PITPNC1: variants seen among roughly 807,000 people sequenced by gnomAD.
PITPNC1 encodes cytoplasmic phosphatidylinositol transfer protein 1.
Under a neutral mutation model 44.7 loss-of-function variants are expected in PITPNC1, and 18 were observed. That is an observed-to-expected ratio of 0.40 (90% CI 0.28 to 0.60). The LOEUF is 0.60. PITPNC1 is among the 20% of genes least tolerant of loss of function. The pLI, the probability that PITPNC1 is intolerant of heterozygous loss-of-function variation, is 0.39. For missense variants in PITPNC1, 290 were observed against 418.4 expected (o/e 0.69, Z 2.68); for synonymous variants, 141 against 149.6 (o/e 0.94, Z 0.42).
intron 1 of PITPNC1, among the ~76,000 whole-genome samples, chr17:67,472,476 T>C (rs951765649): frequency 1.0e-4 from 15 of 147,804 alleles, no homozygotes; most frequent in Non-Finnish European, 2.2e-4. Flanking sequence ...TGAAACCCCA[T>C]CTCTACTAAA....
At chr17:67,580,988 G>A (rs1344472760) in intron 5 of PITPNC1, among the ~76,000 whole-genome samples, 2 of 152,186 alleles carry the variant, frequency 1.3e-5, no homozygotes, top group Non-Finnish European at 2.9e-5. Context: ...GGTCAAGCCT[G>A]CAGTGAACCA....
At chr17:67,622,368 T>G (rs917913533) in intron 5 of PITPNC1, among the ~76,000 whole-genome samples, 6 of 147,528 alleles carry the variant, frequency 4.1e-5, no homozygotes, top group Admixed American at 3.3e-4. Flanking sequence ...ACTCTTGGGT[T>G]GGATTGTATA....
At chr17:67,476,418 C>G (rs577273784) in intron 1 of PITPNC1, among the ~76,000 whole-genome samples, 46 of 152,114 alleles carry the variant, frequency 3.0e-4, no homozygotes, top group African/African-American at 9.6e-4. Context: ...AACTCCTGAC[C>G]TCAGGTAATT....
At chr17:67,623,721 A>G (rs751176970) in intron 5 of PITPNC1, among the ~76,000 whole-genome samples, 1 of 152,220 alleles carries the variant, frequency 6.6e-6, no homozygotes, top group Non-Finnish European at 1.5e-5. Flanking sequence ...GTTTACAGAA[A>G]AATTGTGCAG....
chr17:67,520,129 G>T (rs147095347), intron 1 of PITPNC1, among the ~76,000 whole-genome samples: 1 of 152,110 alleles, frequency 6.6e-6, no homozygotes, highest in African/African-American at 2.4e-5. Flanking sequence ...GCTACCAGCC[G>T]TTTTCATTAA....
At chr17:67,498,305 T>C (rs2039982757) in intron 1 of PITPNC1, among the ~76,000 whole-genome samples, 1 of 152,198 alleles carries the variant, frequency 6.6e-6, no homozygotes, top group African/African-American at 2.4e-5. Flanking sequence ...TATTAATCTT[T>C]AATATTGGCC....
At chr17:67,483,542 T>C (rs2144031132) in intron 1 of PITPNC1, among the ~76,000 whole-genome samples, 1 of 152,344 alleles carries the variant, frequency 6.6e-6, no homozygotes, top group Admixed American at 6.5e-5. Flanking sequence ...TGATCAACAT[T>C]AAGATGCGTT....
Position 67,590,489 on chromosome 17 carries a change from G to A in PITPNC1, c.366+12232G>A, listed in dbSNP as rs146545430. Among the ~76,000 whole-genome samples the A allele has an allele frequency of 4.2e-3, 638 of 152,206 alleles. 3 individuals carry two copies. The highest frequency in any genetic ancestry group is 7.3e-3 in the Non-Finnish European group (495 of 68,002). On this transcript the variant is annotated intron_variant, in intron 5 of 8. Coordinates refer to ENST00000581322, the MANE Select transcript of PITPNC1 (RefSeq NM_012417.4). ...GTTTGAGCAAATACACAACCCTAGG[G>A]CCTACCTGTAGAAGAAAATCACCAT...
chr17:67,629,597 G>A (rs1438952785), intron 5 of PITPNC1, among the ~76,000 whole-genome samples: 2 of 151,506 alleles, frequency 1.3e-5, no homozygotes, highest in Non-Finnish European at 2.9e-5. Context: ...TTCTTAATGA[G>A]GCATGTGTCT....
intron 1 of PITPNC1, among the ~76,000 whole-genome samples, chr17:67,404,100 A>G (rs548735504): frequency 6.6e-6 from 1 of 152,354 alleles, no homozygotes; most frequent in South Asian, 2.1e-4. Flanking sequence ...ATAACCAAAG[A>G]GAAGTTGATG....
intron 4 of PITPNC1, among the ~76,000 whole-genome samples, chr17:67,555,717 G>A (rs1277805846): frequency 2.7e-5 from 4 of 150,374 alleles, no homozygotes; most frequent in Admixed American, 6.6e-5. Context: ...GGTGGCGGGC[G>A]CCTATAATCC....
intron 1 of PITPNC1, among the ~76,000 whole-genome samples, chr17:67,399,709 C>A (rs2038278584): frequency 6.6e-6 from 1 of 152,168 alleles, no homozygotes; most frequent in Non-Finnish European, 1.5e-5. Context: ...CAAAAACTTA[C>A]CCCTGAAAAC....
At chr17:67,421,857 G>A (rs1338159720) in intron 1 of PITPNC1, among the ~76,000 whole-genome samples, 1 of 152,170 alleles carries the variant, frequency 6.6e-6, no homozygotes, top group Non-Finnish European at 1.5e-5. Flanking sequence ...CGGCGAATAA[G>A]CCACCAAATC....
At chr17:67,437,855 G>A (rs796753298) in intron 1 of PITPNC1, among the ~76,000 whole-genome samples, 13 of 152,270 alleles carry the variant, frequency 8.5e-5, no homozygotes, top group African/African-American at 3.1e-4. Flanking sequence ...ATCACTTGAG[G>A]TCAGGAGTTG....
intron 5 of PITPNC1, among the ~76,000 whole-genome samples, chr17:67,625,457 C>G (rs2041884415): frequency 1.3e-5 from 2 of 152,176 alleles, no homozygotes; most frequent in African/African-American, 4.8e-5. Flanking sequence ...GCAGCTGCAC[C>G]TGCCACCACC....
At chr17:67,576,491 A>G (rs547149947) in intron 4 of PITPNC1, among the ~76,000 whole-genome samples, 1 of 152,260 alleles carries the variant, frequency 6.6e-6, no homozygotes, top group South Asian at 2.1e-4. Context: ...GCCTCTTGGG[A>G]CTGTGATGCT....
chr17:67,510,812 A>G (rs555542299), intron 1 of PITPNC1, among the ~76,000 whole-genome samples: 10 of 152,126 alleles, frequency 6.6e-5, no homozygotes, highest in Admixed American at 3.3e-4. Flanking sequence ...CCTTGTGGAT[A>G]AAGACTCCCG....
At chr17:67,592,224 T>C (rs1477283359) in intron 5 of PITPNC1, among the ~76,000 whole-genome samples, 1 of 152,140 alleles carries the variant, frequency 6.6e-6, no homozygotes, top group Non-Finnish European at 1.5e-5. Context: ...AACTTACAAA[T>C]ATCAATGATA....
chr17:67,472,317 T>C (rs1337694080), intron 1 of PITPNC1, among the ~76,000 whole-genome samples: 1 of 98,612 alleles, frequency 1.0e-5, no homozygotes, highest in Non-Finnish European at 1.8e-5. Flanking sequence ...ATTAACACTA[T>C]GACAGCTGTT....
Sources: allele counts gnomAD v4.1 joint callset (sites outside exome capture counted in the v4.1 genomes callset), GRCh38; gene constraint gnomAD v4.1.1; transcripts MANE v1.5; gene names NCBI Gene and HGNC (gene_info 2026-07-23, HGNC 2026-07-21).